MBTD1: variants seen among roughly 807,000 people sequenced by gnomAD.
MBTD1 encodes the protein mbt domain containing 1, also known as MBT domain-containing protein 1.
MBTD1 carries 24 observed loss-of-function variants against 87.8 expected under a neutral mutation model. The observed-to-expected ratio is 0.27, with a 90% CI of 0.20 to 0.38. MBTD1 has a LOEUF of 0.38. Among genes scored for constraint, MBTD1 ranks in the 10% least tolerant of loss-of-function variants. The probability of loss-of-function intolerance (pLI) is 1.00; values close to 1 mark genes in which losing one functional copy is unlikely to be tolerated. For synonymous variants in MBTD1, 237 were observed against 248.6 expected, an observed-to-expected ratio of 0.95 and a Z score of 0.44; for missense variants, 436 against 760.2, an observed-to-expected ratio of 0.57 and a Z score of 5.02.
chr17:51,259,868 G>C lies in MBTD1; in HGVS notation c.-146C>G. The C allele has an allele frequency of 8.1e-7, 1 of 1,231,910 alleles. No homozygotes were observed. The highest frequency in any genetic ancestry group is 1.6e-5 in the African/African-American group (1 of 64,472). 76.3% of individuals were successfully genotyped at this position (1,231,910 alleles called of 1,614,324 possible). ...TTGTGTTTTCCATCAGGGCCTCATG[G>C]GTAGGGGTTGTCCGTGCTCCCCGAG... is the stretch of plus-strand genomic sequence containing the variant. On this transcript the variant is annotated 5_prime_UTR_variant, in exon 1 of 17. Coordinates refer to ENST00000586178, the MANE Select transcript of MBTD1 (RefSeq NM_017643.3).
chr17:51,229,659 ACTTT>A (rs2053441991), intron 2 of MBTD1, among the ~76,000 whole-genome samples: 1 of 122,228 alleles, frequency 8.2e-6, no homozygotes. Flanking sequence ...TTTTTAGTAT[ACTTT>A]TTTTTTTTTT....
At chr17:51,229,031 A>G (rs1568210231) in intron 2 of MBTD1, among the ~76,000 whole-genome samples, 2 of 152,002 alleles carry the variant, frequency 1.3e-5, no homozygotes, top group South Asian at 4.2e-4. Flanking sequence ...AAAAACAAGA[A>G]AAAGAAAAAA....
chr17:51,206,671 T>C (rs1234011735), intron 7 of MBTD1, among the ~76,000 whole-genome samples: 1 of 152,240 alleles, frequency 6.6e-6, no homozygotes, highest in Non-Finnish European at 1.5e-5. Context: ...TTTCATGCTA[T>C]AATGATAGAG....
chr17:51,239,179 A>T (rs1401733135), intron 2 of MBTD1, among the ~76,000 whole-genome samples: 1 of 152,112 alleles, frequency 6.6e-6, no homozygotes, highest in Non-Finnish European at 1.5e-5. Context: ...TAAAAAAACA[A>T]TTTTTTTGGA....
At chr17:51,259,582 C>T (rs995258630) in intron 1 of MBTD1, among the ~76,000 whole-genome samples, 1 of 151,678 alleles carries the variant, frequency 6.6e-6, no homozygotes, top group African/African-American at 2.4e-5. Flanking sequence ...ACTTTCTTCT[C>T]GAATTTTTCT....
chr17:51,247,169 C>T (rs2054488105), intron 2 of MBTD1, among the ~76,000 whole-genome samples: 1 of 152,094 alleles, frequency 6.6e-6, no homozygotes, highest in South Asian at 2.1e-4. Flanking sequence ...TTGTTAGGAA[C>T]AGGTGTTGAA....
intron 6 of MBTD1, among the ~76,000 whole-genome samples, chr17:51,212,052 T>C (rs1256590922): frequency 2.0e-5 from 3 of 152,148 alleles, no homozygotes; most frequent in East Asian, 1.9e-4. Flanking sequence ...AGAGGGTATC[T>C]GTGGAGGCAG....
intron 16 of MBTD1, among the ~76,000 whole-genome samples, chr17:51,190,750 A>AATATATATATATATATATATATAT (rs1555677186): frequency 1.3e-4 from 5 of 39,704 alleles, no homozygotes; most frequent in African/African-American, 3.0e-4. Context: ...AAAAAAAAAA[A>AATATATATATATATATATATATAT]ATATATATAT....
chr17:51,258,795 T>C (rs1348103100), intron 2 of MBTD1, among the ~76,000 whole-genome samples: 2 of 152,210 alleles, frequency 1.3e-5, no homozygotes, highest in African/African-American at 2.4e-5. Flanking sequence ...TGTAATTCTT[T>C]AGCTTCCTGT....
intron 6 of MBTD1, among the ~76,000 whole-genome samples, chr17:51,209,870 A>G (rs543304965): frequency 6.6e-6 from 1 of 152,358 alleles, no homozygotes; most frequent in South Asian, 2.1e-4. Context: ...GGATGATGAA[A>G]TATTATTTGG....
chr17:51,234,319 G>T (rs1312721575), intron 2 of MBTD1, among the ~76,000 whole-genome samples: 1 of 150,436 alleles, frequency 6.6e-6, no homozygotes, highest in Admixed American at 6.6e-5. Flanking sequence ...CTTGAACCCG[G>T]GAGACAGAGG....
intron 3 of MBTD1, among the ~76,000 whole-genome samples, chr17:51,222,687 C>A (rs1299873055): frequency 6.6e-6 from 1 of 152,048 alleles, no homozygotes; most frequent in Non-Finnish European, 1.5e-5. Context: ...TGTGAGCCAC[C>A]AACGCCCAGC....
intron 13 of MBTD1, 102 bp from the exon 14 acceptor site, chr17:51,193,612 T>C: frequency 1.4e-6 from 1 of 700,240 alleles, no homozygotes. Context: ...GAGCATAGGT[T>C]ATATGATCAA....
intron 16 of MBTD1, among the ~76,000 whole-genome samples, chr17:51,182,546 T>A (rs2050363023): frequency 2.0e-5 from 3 of 152,168 alleles, no homozygotes; most frequent in African/African-American, 4.8e-5. Flanking sequence ...CTTAAAGAGC[T>A]GTGATCAATG....
chr17:51,217,894 G>C (rs558369473), intron 5 of MBTD1, among the ~76,000 whole-genome samples: 1 of 152,248 alleles, frequency 6.6e-6, no homozygotes, highest in East Asian at 1.9e-4. Flanking sequence ...ACCACGCCTG[G>C]CCAGGAGTTT....
At position 51,212,637 on chromosome 17, in the gene MBTD1, G is replaced by A. The variant is rs141301466; in HGVS notation, c.486+4697C>T. On this transcript the variant is annotated intron_variant, in intron 6 of 16. Coordinates refer to ENST00000586178, the MANE Select transcript of MBTD1 (RefSeq NM_017643.3). ...TATGTACATTTATACATTTTAGCCC[G>A]TGCTACAATACCCAGGAAAAAAAAA... Among the ~76,000 whole-genome samples, 88 of 97,650 alleles carry A rather than the reference G, an allele frequency of 9.0e-4. No homozygotes were observed. In the Middle Eastern group the frequency reaches 0.026, roughly 29 times the overall value. The allele number at this position is 97,650 out of a possible 152,430, so 64.1% of individuals were successfully genotyped here. A position where few individuals can be genotyped will look rare whatever the true frequency, so the allele number is the denominator to read the frequency against.
At chr17:51,210,309 T>C (rs534387732) in intron 6 of MBTD1, among the ~76,000 whole-genome samples, 20 of 152,296 alleles carry the variant, frequency 1.3e-4, no homozygotes, top group Non-Finnish European at 2.1e-4. Flanking sequence ...TCTTTTGATT[T>C]GATACCAGAA....
In MBTD1 at chr17:51,197,017, C is replaced by T. The variant is rs569295738; in HGVS notation, c.1225-1656G>A. On this transcript the variant is annotated intron_variant, in intron 12 of 16. Coordinates refer to ENST00000586178, the MANE Select transcript of MBTD1 (RefSeq NM_017643.3). ...GCAACTCCTTGCAGTTGATTTTTGT[C>T]TTTATCTATTATTATATATACAAGA... 5.6e-5 allele frequency among the ~76,000 whole-genome samples: 7 copies of T among 124,756 alleles called. No homozygotes were observed. In the South Asian group the frequency reaches 1.5e-3, roughly 26 times the overall value. 81.8% of individuals were successfully genotyped at this position (124,756 alleles called of 152,430 possible). A position where few individuals can be genotyped will look rare whatever the true frequency, so the allele number is the denominator to read the frequency against.
intron 2 of MBTD1, among the ~76,000 whole-genome samples, chr17:51,245,998 G>C (rs957938026): frequency 6.6e-6 from 1 of 152,124 alleles, no homozygotes; most frequent in Non-Finnish European, 1.5e-5. Flanking sequence ...GTTCAAGTCT[G>C]CTTTGTGTCT....
Sources: gnomAD v4.1 joint callset for allele counts (sites outside exome capture counted in the v4.1 genomes callset) on GRCh38, gnomAD v4.1.1 for gene constraint, MANE v1.5 for transcripts, NCBI Gene and HGNC (gene_info 2026-07-23, HGNC 2026-07-21) for gene names.